The following BFAR variants were observed in gnomAD, a reference collection of about 807,000 sequenced individuals.
BFAR encodes bifunctional apoptosis regulator.
BFAR carries 52 observed loss-of-function variants against 54.4 expected under a neutral mutation model. That is an observed-to-expected ratio of 0.96 (90% CI 0.77 to 1.21). The LOEUF (loss-of-function observed/expected upper bound fraction) is 1.21. BFAR is among the 50% of genes most tolerant of loss of function. BFAR has a pLI of 0.00. For missense variants in BFAR, 571 were observed against 534.0 expected, an observed-to-expected ratio of 1.07 and a Z score of -0.68; for synonymous variants, 215 against 204.3, an observed-to-expected ratio of 1.05 and a Z score of -0.45.
intron 5 of BFAR, among the ~76,000 whole-genome samples, chr16:14,661,658 C>T (rs1845335523): frequency 6.6e-6 from 1 of 152,148 alleles, no homozygotes; most frequent in African/African-American, 2.4e-5. Flanking sequence ...CCACCTCGGC[C>T]TTCCCAAGTG....
chr16:14,667,994 G>A lies in BFAR; in HGVS notation c.*167G>A. 1.4e-6 allele frequency: 1 copy of A among 694,414 alleles called. No homozygotes were observed. The highest frequency in any genetic ancestry group is 2.4e-6 in the Non-Finnish European group (1 of 423,962). 43.0% of individuals were successfully genotyped at this position (694,414 alleles called of 1,614,324 possible). A position where few individuals can be genotyped will look rare whatever the true frequency, so the allele number is the denominator to read the frequency against. Reference sequence around the variant, plus strand: ...CATGTCCTCTCCCCCTCAGCCTGTGGGTGGCACGAGCAAGGACTGACATCC... The same window carrying A: ...CATGTCCTCTCCCCCTCAGCCTGTGAGTGGCACGAGCAAGGACTGACATCC... On this transcript the variant is annotated 3_prime_UTR_variant, in exon 8 of 8. Transcript: ENST00000261658.
intron 5 of BFAR, among the ~76,000 whole-genome samples, chr16:14,656,450 A>G (rs1960131082): frequency 6.6e-6 from 1 of 151,638 alleles, no homozygotes; most frequent in African/African-American, 2.4e-5. Context: ...TGATCGAACC[A>G]CTGCACTCCA....
At chr16:14,660,941 G>A (rs981622000) in intron 5 of BFAR, among the ~76,000 whole-genome samples, 1 of 152,002 alleles carries the variant, frequency 6.6e-6, no homozygotes, top group South Asian at 2.1e-4. Context: ...TTGCTTTGTT[G>A]CTCAGGCTGG....
chr16:14,661,470 C>A (rs79128917), intron 5 of BFAR, among the ~76,000 whole-genome samples: 1 of 123,212 alleles, frequency 8.1e-6, no homozygotes, highest in Non-Finnish European at 1.6e-5. Flanking sequence ...GGTATGATCT[C>A]GGCACACTGC....
chr16:14,645,245 G>A (rs968278878), intron 2 of BFAR, among the ~76,000 whole-genome samples: 1 of 151,988 alleles, frequency 6.6e-6, no homozygotes, highest in African/African-American at 2.4e-5. Flanking sequence ...AGCCTGGGAG[G>A]TCGAGGCTGC....
intron 1 of BFAR, chr16:14,633,437 GA>G: frequency 6.6e-6 from 1 of 152,536 alleles, no homozygotes; most frequent in South Asian, 2.1e-4. Flanking sequence ...CAGAATTGAT[GA>G]GGCTTCTGAT....
chr16:14,664,827 T>A (rs1350899015), intron 6 of BFAR, 42 bp from the exon 7 acceptor site: 1 of 1,561,354 alleles, frequency 6.4e-7, no homozygotes. Context: ...TGTGTAAAAG[T>A]CAGTCCTCAT....
chr16:14,660,575 G>A lies in BFAR; in HGVS notation c.784-1317G>A, dbSNP rs1182432596. The stretch of plus-strand genomic sequence containing the variant: ...GCTGGGATTACAGGTGTGAGCCACC[G>A]CACTCGGCCTTTTTTTTTTTTTTTT... On this transcript the variant is annotated intron_variant, in intron 5 of 7. Transcript: ENST00000261658. Among the ~76,000 whole-genome samples the A allele has an allele frequency of 1.1e-4, 15 of 135,374 alleles. No individual in the cohort carries two copies. The South Asian group carries it at 2.9e-3, about 26-fold the overall frequency. The allele number at this position is 135,374 out of a possible 152,430, so 88.8% of individuals were successfully genotyped here.
At chr16:14,657,322 C>T (rs1960157469) in intron 5 of BFAR, among the ~76,000 whole-genome samples, 1 of 151,928 alleles carries the variant, frequency 6.6e-6, no homozygotes, top group Admixed American at 6.6e-5. Context: ...GATCTCAGCT[C>T]ACTGCAAGCT....
At position 14,649,859 on chromosome 16, in the gene BFAR, T is replaced by C; in HGVS notation, c.524T>C (p.Val175Ala). The change falls in exon 4 of 8, where the codon GTC becomes GCC. Residue 175 changes from valine (V) to alanine (A), a missense_variant. By Grantham distance (64) the Val-to-Ala change is moderately conservative. Coordinates refer to ENST00000261658, the MANE Select transcript of BFAR (RefSeq NM_016561.3). ...SSRESEHDLL[V>A]HKAVAKWTAE... Reference sequence around the variant, plus strand: ...AGGGAATCTGAACACGACCTCCTGGTCCACAAGGCTGTGGCCAAATGGACG... The same window carrying C: ...AGGGAATCTGAACACGACCTCCTGGCCCACAAGGCTGTGGCCAAATGGACG... 6.2e-7 allele frequency: 1 copy of C among 1,613,024 alleles called. No homozygotes were observed. Among genetic ancestry groups the C allele is most frequent in the Non-Finnish European group, 8.5e-7 (1 of 1,179,444 alleles).
intron 5 of BFAR, among the ~76,000 whole-genome samples, chr16:14,661,654 C>T (rs1960291179): frequency 6.6e-6 from 1 of 152,116 alleles, no homozygotes; most frequent in African/African-American, 2.4e-5. Context: ...CCGTCCACCT[C>T]GGCCTTCCCA....
chr16:14,641,238 G>A (rs1027001173), intron 1 of BFAR, among the ~76,000 whole-genome samples: 2 of 152,046 alleles, frequency 1.3e-5, no homozygotes, highest in Admixed American at 6.6e-5. Flanking sequence ...TCTCCTCCCC[G>A]CAATCCTGCC....
At chr16:14,657,184 G>A (rs1486240305) in intron 5 of BFAR, among the ~76,000 whole-genome samples, 1 of 152,132 alleles carries the variant, frequency 6.6e-6, no homozygotes, top group Non-Finnish European at 1.5e-5. Context: ...TGTAAAGAAT[G>A]TGCGTGGAGC....
chr16:14,668,316 A>T lies in BFAR; in HGVS notation c.*489A>T, dbSNP rs766145808. On this transcript the variant is annotated 3_prime_UTR_variant, in exon 8 of 8. Transcript: ENST00000261658. ...CTGTCATAGGCATAGAGAGTTGCACATAAAAAATACCGAAGAAAACCCAAA... is the reference window on the plus strand; with the variant it reads ...CTGTCATAGGCATAGAGAGTTGCACTTAAAAAATACCGAAGAAAACCCAAA... 1 of 156,466 alleles carries T rather than the reference A, an allele frequency of 6.4e-6. No individual in the cohort carries two copies. The highest frequency in any genetic ancestry group is 2.4e-5 in the African/African-American group (1 of 41,610). 9.7% of individuals were successfully genotyped at this position (156,466 alleles called of 1,614,324 possible). A position where few individuals can be genotyped will look rare whatever the true frequency, so the allele number is the denominator to read the frequency against.
At position 14,644,257 on chromosome 16, in the gene BFAR, CTG is replaced by C. The variant is rs1959716242; in HGVS notation, c.-73-15_-73-14del. 2 of 1,316,960 alleles carry C rather than the reference CTG, an allele frequency of 1.5e-6. No homozygotes were observed. Among genetic ancestry groups the C allele is most frequent in the African/African-American group, 1.5e-5 (1 of 66,728 alleles). 81.6% of individuals were successfully genotyped at this position (1,316,960 alleles called of 1,614,324 possible). ...ACTACTATTTGCCTTATTTTTGTCT[CTG>C]TTTTTTTTTTCTAGATTAATGATGT... is the stretch of plus-strand genomic sequence containing the variant. On this transcript the variant is annotated splice_polypyrimidine_tract_variant and intron_variant, in intron 1 of 7. Transcript: ENST00000261658.
intron 1 of BFAR, among the ~76,000 whole-genome samples, chr16:14,637,497 C>G (rs1309798256): frequency 6.6e-6 from 1 of 152,086 alleles, no homozygotes; most frequent in African/African-American, 2.4e-5. Flanking sequence ...AATGCTTATT[C>G]CATATGATTG....
At chr16:14,664,041 A>G (rs1294206276) in intron 6 of BFAR, among the ~76,000 whole-genome samples, 1 of 152,096 alleles carries the variant, frequency 6.6e-6, no homozygotes, top group East Asian at 1.9e-4. Flanking sequence ...CAGGAGTTTC[A>G]AGACCAGCCT....
chr16:14,644,544 G>A lies in BFAR; in HGVS notation c.198G>A (p.Lys66=). Residue 66 remains lysine, a synonymous_variant, in exon 2 of 8, where the codon AAG becomes AAA. Transcript: ENST00000261658. Reference sequence around the variant, plus strand: ...TTGCTTTATGGTGGGCATCTTCAAAGAAAACAGAATGTCCAGAATGCAGAG... The same window carrying A: ...TTGCTTTATGGTGGGCATCTTCAAAAAAAACAGAATGTCCAGAATGCAGAG... ...HCLALWWASS[K]KTECPECREK... is the part of the protein sequence containing the mutation. 6.2e-7 allele frequency: 1 copy of A among 1,613,850 alleles called. No individual in the cohort carries two copies. The highest frequency in any genetic ancestry group is 8.5e-7 in the Non-Finnish European group (1 of 1,179,958).
chr16:14,660,951 G>A (rs947291201), intron 5 of BFAR, among the ~76,000 whole-genome samples: 1 of 152,104 alleles, frequency 6.6e-6, no homozygotes, highest in South Asian at 2.1e-4. Flanking sequence ...GCTCAGGCTG[G>A]TCTTGAACTC....
Sources: allele counts gnomAD v4.1 joint callset (sites outside exome capture counted in the v4.1 genomes callset), GRCh38; gene constraint gnomAD v4.1.1; transcripts MANE v1.5; gene names NCBI Gene and HGNC (gene_info 2026-07-23, HGNC 2026-07-21).